SYT16: variants seen among roughly 807,000 people sequenced by gnomAD.
SYT16 encodes synaptotagmin 16.
A neutral mutation model predicts 61.4 loss-of-function variants in SYT16; 42 were observed. The observed-to-expected ratio is 0.68, with a 90% confidence interval of 0.53 to 0.89. SYT16 has a LOEUF of 0.89. Among genes scored for constraint, SYT16 ranks in the 40% least tolerant of loss-of-function variants. The probability of loss-of-function intolerance (pLI) is 0.00; values close to 1 mark genes in which losing one functional copy is unlikely to be tolerated. For missense variants in SYT16, 804 were observed against 807.3 expected, an observed-to-expected ratio of 1.00 and a Z score of 0.05; for synonymous variants, 314 against 302.3, an observed-to-expected ratio of 1.04 and a Z score of -0.40.
intron 1 of SYT16, among the ~76,000 whole-genome samples, chr14:61,947,778 G>T (rs1187755575): frequency 6.6e-6 from 1 of 152,170 alleles, no homozygotes; most frequent in Non-Finnish European, 1.5e-5. Context: ...GCACTTAAAT[G>T]AGCTTAGTGT....
intron 1 of SYT16, among the ~76,000 whole-genome samples, chr14:61,952,379 G>C (rs1409322156): frequency 6.6e-6 from 1 of 152,138 alleles, no homozygotes; most frequent in African/African-American, 2.4e-5. Flanking sequence ...AGACAAGTGA[G>C]GAAAGTCTCA....
intron 1 of SYT16, among the ~76,000 whole-genome samples, chr14:61,887,414 A>C (rs140540366): frequency 6.6e-6 from 1 of 152,226 alleles, no homozygotes; most frequent in South Asian, 2.1e-4. Flanking sequence ...CACCAGCTAC[A>C]TTAGGACCAA....
At chr14:62,076,409 G>A (rs2056497058) in intron 5 of SYT16, among the ~76,000 whole-genome samples, 1 of 151,684 alleles carries the variant, frequency 6.6e-6, no homozygotes, top group African/African-American at 2.4e-5. Flanking sequence ...CTCTTATTAG[G>A]ACTTGGAGTG....
chr14:62,032,501 T>A (rs2054344871), intron 3 of SYT16, among the ~76,000 whole-genome samples: 1 of 152,130 alleles, frequency 6.6e-6, no homozygotes, highest in African/African-American at 2.4e-5. Context: ...TGGTTTTCTG[T>A]ACCTAATACA....
At chr14:61,926,144 T>C (rs551618140) in intron 1 of SYT16, among the ~76,000 whole-genome samples, 67 of 152,326 alleles carry the variant, frequency 4.4e-4, no homozygotes, top group African/African-American at 1.4e-3. Context: ...GAGAACTCAA[T>C]AGAAGTCAAG....
intron 4 of SYT16, 35 bp downstream of exon 4, chr14:62,069,850 G>T (rs779357271): frequency 8.1e-6 from 13 of 1,606,486 alleles, no homozygotes; most frequent in Non-Finnish European, 1.1e-5. Context: ...TTTAGACCAG[G>T]GATGGCCAAT....
At chr14:61,975,628 G>A (rs926819760) in intron 2 of SYT16, among the ~76,000 whole-genome samples, 4 of 152,118 alleles carry the variant, frequency 2.6e-5, no homozygotes, top group Non-Finnish European at 4.4e-5. Flanking sequence ...AGAACAGCAT[G>A]AGAGAAACCA....
intron 2 of SYT16, among the ~76,000 whole-genome samples, chr14:61,986,959 A>T (rs967197454): frequency 6.6e-6 from 1 of 152,178 alleles, no homozygotes; most frequent in South Asian, 2.1e-4. Context: ...CTACTCTGTG[A>T]TCTCATAGAA....
chr14:62,050,865 G>T (rs1215185739), intron 3 of SYT16, among the ~76,000 whole-genome samples: 1 of 152,154 alleles, frequency 6.6e-6, no homozygotes, highest in African/African-American at 2.4e-5. Context: ...AGCCATGTGA[G>T]GTGTCAGTCC....
At chr14:61,989,573 CA>C (rs746741388) in intron 2 of SYT16, among the ~76,000 whole-genome samples, 4 of 152,086 alleles carry the variant, frequency 2.6e-5, no homozygotes, top group Admixed American at 6.6e-5. Context: ...AAAAACAAAA[CA>C]AAAACAACAA....
rs1485199792 is a variant in SYT16 at position 62,018,978 on chromosome 14, G to A, written c.523+22436G>A. On this transcript the variant is annotated intron_variant, in intron 3 of 7. Transcript: ENST00000683842. Reference sequence around the variant, plus strand: ...ACAAATCTTTGTTGAATAAATGAAAGAATACTTTAAAAAATTTGGTGTACT... The same window carrying A: ...ACAAATCTTTGTTGAATAAATGAAAAAATACTTTAAAAAATTTGGTGTACT... Among the ~76,000 whole-genome samples, 27 of 152,312 alleles carry A rather than the reference G, an allele frequency of 1.8e-4. No individual in the cohort carries two copies. The East Asian group carries it at 4.8e-3, about 27-fold the overall frequency.
chr14:62,081,404 C>A, intron 6 of SYT16, 130 bp downstream of exon 6: 2 of 985,988 alleles, frequency 2.0e-6, no homozygotes, highest in Non-Finnish European at 2.9e-6. Flanking sequence ...GCTCTCCTCA[C>A]CCTTGTAAGC....
intron 3 of SYT16, among the ~76,000 whole-genome samples, chr14:62,022,670 GC>G (rs2140765198): frequency 6.6e-6 from 1 of 151,722 alleles, no homozygotes; most frequent in African/African-American, 2.4e-5. Context: ...CACTATTTGT[GC>G]TTTTTTTACT....
At chr14:62,072,472 C>T (rs1026277553) in intron 4 of SYT16, among the ~76,000 whole-genome samples, 4 of 152,100 alleles carry the variant, frequency 2.6e-5, no homozygotes, top group Non-Finnish European at 5.9e-5. Flanking sequence ...ACACAGCCCC[C>T]ATATTTGCGG....
chr14:62,101,195 C>G lies in SYT16; in HGVS notation c.*488C>G, dbSNP rs1595417558. On this transcript the variant is annotated 3_prime_UTR_variant, in exon 8 of 8. Transcript: ENST00000683842. Reference sequence around the variant, plus strand: ...AAAGAATCAAACTCTAATCCATAAACTCTTATTTCACATTTTTCTCTTTAT... The same window carrying G: ...AAAGAATCAAACTCTAATCCATAAAGTCTTATTTCACATTTTTCTCTTTAT... 6.5e-6 allele frequency: 1 copy of G among 152,860 alleles called. No individual in the cohort carries two copies. The highest frequency in any genetic ancestry group is 2.4e-5 in the African/African-American group (1 of 41,470). The allele number at this position is 152,860 out of a possible 1,614,324, so 9.5% of individuals were successfully genotyped here. A position where few individuals can be genotyped will look rare whatever the true frequency, so the allele number is the denominator to read the frequency against.
chr14:61,990,968 A>T (rs1305697617), intron 2 of SYT16, among the ~76,000 whole-genome samples: 1 of 152,214 alleles, frequency 6.6e-6, no homozygotes, highest in Non-Finnish European at 1.5e-5. Flanking sequence ...GATCTTAATT[A>T]AAATAGAATT....
chr14:61,989,919 C>T (rs1022099729), intron 2 of SYT16, among the ~76,000 whole-genome samples: 2 of 152,162 alleles, frequency 1.3e-5, no homozygotes, highest in Non-Finnish European at 2.9e-5. Flanking sequence ...ATTGCTCATG[C>T]CCCGGCAGTG....
chr14:62,096,737 C>A (rs1414337531), intron 7 of SYT16, among the ~76,000 whole-genome samples: 1 of 151,972 alleles, frequency 6.6e-6, no homozygotes, highest in African/African-American at 2.4e-5. Context: ...ATAGTAATTA[C>A]CTTTGTTGAG....
rs2052747184 is a variant in SYT16, at chr14:61,995,898, A to G, written c.-122A>G. 1.0e-6 allele frequency: 1 copy of G among 988,162 alleles called. No individual in the cohort carries two copies. The allele number at this position is 988,162 out of a possible 1,614,324, so 61.2% of individuals were successfully genotyped here. A position where few individuals can be genotyped will look rare whatever the true frequency, so the allele number is the denominator to read the frequency against. On this transcript the variant is annotated 5_prime_UTR_variant, in exon 3 of 8. It adds an upstream start codon to the 5' untranslated region. Coordinates refer to ENST00000683842, the MANE Select transcript of SYT16 (RefSeq NM_001367656.1). ...CAGCTGGAAGTTTTGAGAGTGAAATATTCACAGCCATTAAGAGACCTCCAA... is the reference window on the plus strand; with the variant it reads ...CAGCTGGAAGTTTTGAGAGTGAAATGTTCACAGCCATTAAGAGACCTCCAA...
Sources: allele counts gnomAD v4.1 joint callset (sites outside exome capture counted in the v4.1 genomes callset), GRCh38; gene constraint gnomAD v4.1.1; transcripts MANE v1.5; gene names NCBI Gene and HGNC (gene_info 2026-07-23, HGNC 2026-07-21).